The following GPHN variants were observed in gnomAD, a reference collection of about 807,000 sequenced individuals.
GPHN encodes the protein gephyrin.
A neutral mutation model predicts 95.5 loss-of-function variants in GPHN; 17 were observed. That is an observed-to-expected ratio of 0.18 (90% confidence interval 0.12 to 0.27). The LOEUF (loss-of-function observed/expected upper bound fraction) is 0.27. Ranked by LOEUF, GPHN falls within the 10% of genes least tolerant of loss-of-function variation. The pLI is 1.00. For missense variants in GPHN, 660 were observed against 978.1 expected, an observed-to-expected ratio of 0.67 and a Z score of 4.34; for synonymous variants, 320 against 322.5, an observed-to-expected ratio of 0.99 and a Z score of 0.08.
At chr14:67,654,921 C>T in the GPHN span, among the ~76,000 whole-genome samples, 742 of 144,820 alleles carry the variant, frequency 5.1e-3, 9 homozygotes, top group African/African-American at 0.018. Flanking sequence ...CCCAGCTACT[C>T]GGGAGGCCGA....
the GPHN span, chr14:67,593,958 G>A: frequency 1.4e-5 from 23 of 1,595,354 alleles, no homozygotes; most frequent in African/African-American, 2.8e-4. Context: ...CTGTTCTGAA[G>A]AGAGAGCCAG....
At chr14:67,703,469 G>A in the GPHN span, among the ~76,000 whole-genome samples, 1 of 152,132 alleles carries the variant, frequency 6.6e-6, no homozygotes, top group Non-Finnish European at 1.5e-5. Context: ...TAAACAGTGA[G>A]CTTTATCTCA....
At chr14:66,657,053 T>C (rs550615818) in intron 1 of GPHN, among the ~76,000 whole-genome samples, 1 of 152,264 alleles carries the variant, frequency 6.6e-6, no homozygotes, top group South Asian at 2.1e-4. Context: ...GAATGGAAAC[T>C]AAAAGTTTTT....
the GPHN span, among the ~76,000 whole-genome samples, chr14:67,329,204 GT>G: frequency 6.6e-6 from 1 of 152,164 alleles, no homozygotes; most frequent in East Asian, 1.9e-4. Flanking sequence ...TCCCTTGTAA[GT>G]TGGATTCCTA....
the GPHN span, chr14:67,316,945 T>A: frequency 1.0e-5 from 15 of 1,501,326 alleles, no homozygotes; most frequent in African/African-American, 1.3e-4. Flanking sequence ...GTTTCTTGGG[T>A]CTTCATCTGG....
chr14:66,603,152 A>G (rs1034026472), intron 1 of GPHN, among the ~76,000 whole-genome samples: 1 of 151,946 alleles, frequency 6.6e-6, no homozygotes, highest in Non-Finnish European at 1.5e-5. Context: ...TACAAAATTT[A>G]TATATGGATA....
intron 8 of GPHN, among the ~76,000 whole-genome samples, chr14:66,956,685 T>G (rs1429030324): frequency 6.6e-6 from 1 of 152,040 alleles, no homozygotes; most frequent in East Asian, 1.9e-4. Context: ...AATGTCTTCT[T>G]TTGAGAAGTG....
At chr14:66,909,629 C>T (rs1567089514) in intron 5 of GPHN, among the ~76,000 whole-genome samples, 2 of 151,886 alleles carry the variant, frequency 1.3e-5, no homozygotes, top group South Asian at 2.1e-4. Context: ...TTATGAATAA[C>T]GACTCTTAGC....
At chr14:67,371,438 A>G in the GPHN span, among the ~76,000 whole-genome samples, 1 of 152,126 alleles carries the variant, frequency 6.6e-6, no homozygotes, top group African/African-American at 2.4e-5. Flanking sequence ...AAAAAAAGTT[A>G]AGGAGGCGGG....
chr14:67,301,818 C>G, the GPHN span, among the ~76,000 whole-genome samples: 56 of 152,064 alleles, frequency 3.7e-4, no homozygotes, highest in African/African-American at 1.2e-3. Flanking sequence ...AGAGTATGCC[C>G]TTAGTATACT....
At chr14:66,915,024 A>C (rs2065839445) in intron 5 of GPHN, among the ~76,000 whole-genome samples, 1 of 152,132 alleles carries the variant, frequency 6.6e-6, no homozygotes, top group Non-Finnish European at 1.5e-5. Flanking sequence ...AGTAAGAAGA[A>C]GGCCAGCAGG....
At chr14:67,425,802 G>C in the GPHN span, among the ~76,000 whole-genome samples, 1 of 152,068 alleles carries the variant, frequency 6.6e-6, no homozygotes, top group African/African-American at 2.4e-5. Flanking sequence ...CAGACACAGG[G>C]TAGAACCACA....
the GPHN span, among the ~76,000 whole-genome samples, chr14:67,556,813 C>T: frequency 3.3e-5 from 5 of 152,196 alleles, no homozygotes; most frequent in African/African-American, 9.7e-5. Context: ...TTGGTTGGAT[C>T]AATGACATGG....
chr14:66,817,578 G>A (rs2061027245), intron 3 of GPHN, among the ~76,000 whole-genome samples: 1 of 152,132 alleles, frequency 6.6e-6, no homozygotes, highest in Non-Finnish European at 1.5e-5. Flanking sequence ...ACAAGTCTGG[G>A]CTTTCTGAGT....
intron 3 of GPHN, among the ~76,000 whole-genome samples, chr14:66,795,428 T>G (rs963713920): frequency 6.6e-6 from 1 of 152,176 alleles, no homozygotes; most frequent in Admixed American, 6.5e-5. Context: ...TTATAATTAT[T>G]AATAACTCAA....
At chr14:66,859,495 G>C (rs1268563592) in intron 4 of GPHN, among the ~76,000 whole-genome samples, 1 of 152,200 alleles carries the variant, frequency 6.6e-6, no homozygotes, top group African/African-American at 2.4e-5. Flanking sequence ...AAGCCTTTCT[G>C]AGAGAGACAG....
At chr14:66,659,773 C>A (rs1160984780) in intron 1 of GPHN, among the ~76,000 whole-genome samples, 1 of 151,974 alleles carries the variant, frequency 6.6e-6, no homozygotes, top group East Asian at 1.9e-4. Flanking sequence ...AGATCTTTTT[C>A]CATGTTTTTA....
chr14:66,737,179 A>T (rs1388411334), intron 2 of GPHN, among the ~76,000 whole-genome samples: 1 of 152,048 alleles, frequency 6.6e-6, no homozygotes, highest in Non-Finnish European at 1.5e-5. Flanking sequence ...TTCTACATAT[A>T]CTTTTTGTGG....
chr14:66,538,769 T>C (rs968742483), intron 1 of GPHN, among the ~76,000 whole-genome samples: 2 of 141,452 alleles, frequency 1.4e-5, no homozygotes, highest in Admixed American at 7.2e-5. Flanking sequence ...TGATTACAGG[T>C]CATTTTTTCT....
Sources: gnomAD v4.1 joint callset for allele counts (sites outside exome capture counted in the v4.1 genomes callset) on GRCh38, gnomAD v4.1.1 for gene constraint, MANE v1.5 for transcripts, NCBI Gene and HGNC (gene_info 2026-07-23, HGNC 2026-07-21) for gene names.